The following NRXN3 variants were observed in gnomAD, a reference collection of about 807,000 sequenced individuals.
NRXN3 encodes neurexin III.
In NRXN3, 32 loss-of-function variants were observed where a neutral mutation model predicts 137.6. That is an observed-to-expected ratio of 0.23 (90% CI 0.18 to 0.31). The LOEUF (loss-of-function observed/expected upper bound fraction) is 0.31. NRXN3 is among the 10% of genes least tolerant of loss of function. NRXN3 has a pLI of 1.00. For missense variants in NRXN3, 1,574 were observed against 2,062.5 expected, an observed-to-expected ratio of 0.76 and a Z score of 4.59; for synonymous variants, 798 against 784.5, an observed-to-expected ratio of 1.02 and a Z score of -0.29.
intron 15 of NRXN3, among the ~76,000 whole-genome samples, chr14:79,021,731 C>A (rs1454472820): frequency 6.6e-6 from 1 of 152,180 alleles, no homozygotes; most frequent in Non-Finnish European, 1.5e-5. Flanking sequence ...ATTGGCTTGG[C>A]AGTGCCTAAA....
At chr14:79,593,941 C>T (rs2097836449) in intron 16 of NRXN3, among the ~76,000 whole-genome samples, 1 of 152,062 alleles carries the variant, frequency 6.6e-6, no homozygotes, top group Non-Finnish European at 1.5e-5. Context: ...AATTGTTTTA[C>T]TAGTTCAGAT....
At chr14:79,134,725 A>G (rs1298993729) in intron 15 of NRXN3, among the ~76,000 whole-genome samples, 1 of 152,186 alleles carries the variant, frequency 6.6e-6, no homozygotes, top group Non-Finnish European at 1.5e-5. Flanking sequence ...GAGTAATCCC[A>G]TTATCTCTAT....
chr14:78,982,388 G>A (rs865896588), intron 14 of NRXN3, among the ~76,000 whole-genome samples: 9 of 152,196 alleles, frequency 5.9e-5, no homozygotes, highest in African/African-American at 1.7e-4. Context: ...AGAGGCTTAC[G>A]GTCCAGTAGG....
chr14:79,013,688 A>T (rs1224470787), intron 15 of NRXN3, among the ~76,000 whole-genome samples: 1 of 152,218 alleles, frequency 6.6e-6, no homozygotes, highest in Non-Finnish European at 1.5e-5. Context: ...TGAAATCAAC[A>T]CTTTGTTAAT....
intron 4 of NRXN3, among the ~76,000 whole-genome samples, chr14:78,424,388 T>C (rs1047654502): frequency 3.3e-5 from 5 of 152,204 alleles, no homozygotes; most frequent in African/African-American, 1.2e-4. Context: ...GGGACTGTGC[T>C]CCTCCCTTCA....
chr14:78,444,645 C>T (rs547589165), intron 4 of NRXN3, among the ~76,000 whole-genome samples: 8 of 152,024 alleles, frequency 5.3e-5, no homozygotes, highest in East Asian at 3.9e-4. Flanking sequence ...TTTGGCCAGG[C>T]GCAGTGGCTC....
At chr14:79,337,634 T>C (rs2092350151) in intron 15 of NRXN3, among the ~76,000 whole-genome samples, 1 of 152,224 alleles carries the variant, frequency 6.6e-6, no homozygotes, top group Non-Finnish European at 1.5e-5. Flanking sequence ...ATTTTGTTTT[T>C]TCCTTAAAGT....
intron 15 of NRXN3, among the ~76,000 whole-genome samples, chr14:79,181,801 C>A (rs1307075652): frequency 6.6e-6 from 1 of 151,736 alleles, no homozygotes; most frequent in African/African-American, 2.4e-5. Flanking sequence ...TCATTGATTC[C>A]AGCCACATGC....
chr14:78,788,325 G>GT (rs1419143349), intron 8 of NRXN3, among the ~76,000 whole-genome samples: 1 of 152,116 alleles, frequency 6.6e-6, no homozygotes, highest in Non-Finnish European at 1.5e-5. Context: ...ATACTTCAGT[G>GT]TTTTCCTTTG....
At chr14:78,178,537 G>A (rs117309325) in intron 1 of NRXN3, among the ~76,000 whole-genome samples, 32 of 152,300 alleles carry the variant, frequency 2.1e-4, no homozygotes, top group South Asian at 4.1e-4. Context: ...AGAACCTGAA[G>A]CCTATTTGTC....
chr14:78,308,837 A>G lies in NRXN3; in HGVS notation c.757+10977A>G, dbSNP rs546435795. Among the ~76,000 whole-genome samples, 7 of 152,270 alleles carry G rather than the reference A, an allele frequency of 4.6e-5. No individual in the cohort carries two copies. The South Asian group carries it at 1.4e-3, about 32-fold the overall frequency. On this transcript the variant is annotated intron_variant, in intron 4 of 20. Coordinates refer to ENST00000335750, the MANE Select transcript of NRXN3 (RefSeq NM_001330195.2). ...GTCTCTCAACCCATTTTCTTGAAAT[A>G]TTTGAAATAAATTTGTTACTGTAAT...
intron 4 of NRXN3, among the ~76,000 whole-genome samples, chr14:78,601,510 T>C (rs1172387200): frequency 6.6e-6 from 1 of 151,830 alleles, no homozygotes; most frequent in Non-Finnish European, 1.5e-5. Flanking sequence ...TGGAGTGCAG[T>C]GGCATGATCT....
chr14:78,282,701 G>A (rs934254062), intron 3 of NRXN3, among the ~76,000 whole-genome samples: 7 of 152,138 alleles, frequency 4.6e-5, no homozygotes, highest in Non-Finnish European at 1.0e-4. Flanking sequence ...TCTCCGCCCC[G>A]TATTGTGTTC....
chr14:79,639,310 C>A (rs990591273), intron 16 of NRXN3, among the ~76,000 whole-genome samples: 12 of 152,086 alleles, frequency 7.9e-5, no homozygotes, highest in African/African-American at 2.7e-4. Flanking sequence ...ATTTTATCAC[C>A]TGTGTATGTA....
rs780036913 is a variant in NRXN3 at position 78,994,483 on chromosome 14, G to A, written c.3262+6342G>A. On this transcript the variant is annotated intron_variant, in intron 15 of 20. Transcript: ENST00000335750. ...GAAACTCCCCTATGTTGAAATCATT[G>A]CTGAGTCCTAAATGTAGGCCTCATA... is the stretch of plus-strand genomic sequence containing the variant. 5.5e-4 allele frequency among the ~76,000 whole-genome samples: 84 copies of A among 152,170 alleles called. 1 individual carries two copies. Among genetic ancestry groups the A allele is most frequent in the Non-Finnish European group, 1.5e-4 (10 of 68,024 alleles).
chr14:78,365,308 T>G (rs896692116), intron 4 of NRXN3, among the ~76,000 whole-genome samples: 2 of 152,136 alleles, frequency 1.3e-5, no homozygotes, highest in Non-Finnish European at 2.9e-5. Context: ...GACACCAAGA[T>G]CTACTGGTTT....
chr14:79,193,483 C>A (rs897936111), intron 15 of NRXN3, among the ~76,000 whole-genome samples: 2 of 152,196 alleles, frequency 1.3e-5, no homozygotes, highest in African/African-American at 4.8e-5. Flanking sequence ...TTGCATTAAT[C>A]TTTGTATAAA....
chr14:79,647,869 T>A (rs2098459243), intron 16 of NRXN3, among the ~76,000 whole-genome samples: 1 of 135,340 alleles, frequency 7.4e-6, no homozygotes, highest in African/African-American at 2.5e-5. Context: ...TTTTTCAGCA[T>A]TGAAGGTGAG....
intron 4 of NRXN3, among the ~76,000 whole-genome samples, chr14:78,620,355 G>C (rs2097389924): frequency 2.0e-5 from 3 of 152,146 alleles, no homozygotes; most frequent in African/African-American, 7.2e-5. Flanking sequence ...AATGTGTTAG[G>C]CAGCTAGAAA....
Sources: allele counts gnomAD v4.1 joint callset (sites outside exome capture counted in the v4.1 genomes callset), GRCh38; gene constraint gnomAD v4.1.1; transcripts MANE v1.5; gene names NCBI Gene and HGNC (gene_info 2026-07-23, HGNC 2026-07-21).